CCDC88C: variants seen among roughly 807,000 people sequenced by gnomAD.
CCDC88C encodes the protein coiled-coil and HOOK domain protein 88C.
In CCDC88C, 131 loss-of-function variants were observed where a neutral mutation model predicts 198.8. The observed-to-expected ratio is 0.66, with a 90% CI of 0.57 to 0.76. CCDC88C has a LOEUF of 0.76. Ranked by LOEUF, CCDC88C falls within the 30% of genes least tolerant of loss-of-function variation. The pLI is 0.00. For synonymous variants in CCDC88C, 1,166 were observed against 1,114.7 expected (o/e 1.05, Z -0.92); for missense variants, 2,553 against 2,631.6 (o/e 0.97, Z 0.65).
chr14:91,309,506 C>T (rs187540914), intron 16 of CCDC88C, among the ~76,000 whole-genome samples: 1 of 150,870 alleles, frequency 6.6e-6, no homozygotes, highest in East Asian at 2.0e-4. Context: ...TAGTGGTCTC[C>T]AGCTAGGGCT....
intron 6 of CCDC88C, among the ~76,000 whole-genome samples, chr14:91,341,602 C>A (rs1235958919): frequency 6.6e-6 from 1 of 152,240 alleles, no homozygotes; most frequent in Non-Finnish European, 1.5e-5. Context: ...TCTCATCTGT[C>A]CAATGACACT....
At chr14:91,323,743 G>A (rs1023730742) in intron 12 of CCDC88C, among the ~76,000 whole-genome samples, 1 of 152,212 alleles carries the variant, frequency 6.6e-6, no homozygotes, top group Admixed American at 6.5e-5. Flanking sequence ...CTAGCTGCTT[G>A]TACCACCTCT....
chr14:91,409,915 A>G (rs1258836197), intron 2 of CCDC88C, among the ~76,000 whole-genome samples: 1 of 152,166 alleles, frequency 6.6e-6, no homozygotes, highest in East Asian at 1.9e-4. Context: ...AGGGACAAAA[A>G]TCCTATCTTG....
At chr14:91,275,970 C>T (rs936281214) in intron 29 of CCDC88C, among the ~76,000 whole-genome samples, 6 of 151,710 alleles carry the variant, frequency 4.0e-5, no homozygotes, top group African/African-American at 7.3e-5. Flanking sequence ...TACAGGCGCG[C>T]GCCACCACGC....
Position 91,352,746 on chromosome 14 carries a change from A to T in CCDC88C, c.340+6896T>A, listed in dbSNP as rs1289553869. Among the ~76,000 whole-genome samples the T allele has an allele frequency of 1.3e-5, 2 of 152,256 alleles. No individual in the cohort carries two copies. The highest frequency in any genetic ancestry group is 4.8e-5 in the African/African-American group (2 of 41,478). ...GGGGAAAAGAACACAAGAATGGCTC[A>T]TGAAGCCTGAGTGGCCGACCCTCAG... On this transcript the variant is annotated intron_variant, in intron 4 of 29. Transcript: ENST00000389857. This position sits in a 1 kb window ranked among gnomAD's most constrained non-coding sequence, Gnocchi z 4.2.
At chr14:91,334,086 T>C (rs1783118772) in intron 10 of CCDC88C, among the ~76,000 whole-genome samples, 2 of 152,226 alleles carry the variant, frequency 1.3e-5, no homozygotes, top group Non-Finnish European at 2.9e-5. Flanking sequence ...ACCACCTAGA[T>C]GCTACAATGA....
chr14:91,344,278 C>T (rs1893426018), intron 4 of CCDC88C, among the ~76,000 whole-genome samples: 1 of 152,120 alleles, frequency 6.6e-6, no homozygotes, highest in African/African-American at 2.4e-5. Context: ...GAGAGAACAA[C>T]TCCCACAGGA....
Position 91,273,046 on chromosome 14 carries a change from G to C in CCDC88C, c.5666C>G (p.Ala1889Gly). The change falls in exon 30 of 30, where the codon GCT becomes GGT. Residue 1889 changes from alanine (A) to glycine (G), a missense_variant. Physicochemically the swap from Ala to Gly is moderately conservative, Grantham distance 60. Coordinates refer to ENST00000389857, the MANE Select transcript of CCDC88C (RefSeq NM_001080414.4). The surrounding 1 kb of genome is among the most constrained non-coding windows in gnomAD (Gnocchi z 5.6). The stretch of plus-strand genomic sequence containing the variant: ...GGCCAGCCTCTCCTCCTTTGGGGGA[G>C]CCAGGGAGAAGCGCCTCGTGTCCAG... ...RPLDTRRFSL[A>G]PPKEERLAPL... 6.4e-7 allele frequency: 1 copy of C among 1,555,652 alleles called. No individual in the cohort carries two copies. The highest frequency in any genetic ancestry group is 8.7e-7 in the Non-Finnish European group (1 of 1,152,466).
rs1890036616 is a variant in CCDC88C at position 91,278,023 on chromosome 14, G to C, written c.4957C>G (p.Pro1653Ala). The C allele has an allele frequency of 8.1e-6, 13 of 1,601,402 alleles. No homozygotes were observed. The highest frequency in any genetic ancestry group is 1.1e-5 in the Non-Finnish European group (13 of 1,174,014). The change falls in exon 29 of 30, where the codon CCT becomes GCT. Residue 1653 changes from proline to alanine, a missense_variant. By Grantham distance (27) the Pro-to-Ala change is conservative (BLOSUM62 -1). This residue lies in a region of CCDC88C where 1,293 missense variants were observed against 1,219.6 expected (regional missense o/e 1.06). Transcript: ENST00000389857. Reference protein sequence around the residue: ...QEGAQKRGTAPPYVGVRPCSA... With the variant: ...QEGAQKRGTAAPYVGVRPCSA... The stretch of plus-strand genomic sequence containing the variant: ...CAGGGCCGCACTCCGACGTAGGGAG[G>C]GGCTGTGCCCCTCTTCTGGGCACCC...
intron 3 of CCDC88C, among the ~76,000 whole-genome samples, chr14:91,406,751 T>C (rs1387697592): frequency 2.0e-5 from 3 of 152,230 alleles, no homozygotes; most frequent in Admixed American, 6.5e-5. Context: ...GCCCAGGTCA[T>C]TGACAGCACC....
intron 4 of CCDC88C, among the ~76,000 whole-genome samples, chr14:91,346,287 C>T (rs953011238): frequency 1.3e-5 from 2 of 152,208 alleles, no homozygotes; most frequent in African/African-American, 2.4e-5. Context: ...ACCCCGCCCC[C>T]CAGCCTGAAG....
In CCDC88C at chr14:91,278,915, T is replaced by TTTTTC. The variant is rs1555414166; in HGVS notation, c.4768+322_4768+323insGAAAA. Among the ~76,000 whole-genome samples, 2 of 144,686 alleles carry TTTTTC rather than the reference T, an allele frequency of 1.4e-5. 1 individual carries two copies. The highest frequency in any genetic ancestry group is 4.5e-4 in the South Asian group (2 of 4,422). The allele number at this position is 144,686 out of a possible 152,430, so 94.9% of individuals were successfully genotyped here. A position where few individuals can be genotyped will look rare whatever the true frequency, so the allele number is the denominator to read the frequency against. ...TTTTTTTTTTTTTTTTTTTTTTTTT[T>TTTTTC]TCTGAGATAGGGTCTCACTTCTGTT... On this transcript the variant is annotated intron_variant, in intron 28 of 29. Transcript: ENST00000389857.
In CCDC88C at chr14:91,313,913, T is replaced by C. The variant is rs1192030234; in HGVS notation, c.1903A>G (p.Arg635Gly). ...TCCTCCTGGAGTCGCTGTAGCTCCC[T>C]CTCCAGCTTCTCTGCCCGCTCCCCC... ...EKGERAEKLE[R>G]ELQRLQEENG... The change falls in exon 15 of 30, where the codon AGG (arginine) becomes GGG (glycine). Residue 635 changes from arginine to glycine, a missense_variant. Transcript: ENST00000389857. The surrounding 1 kb of genome is among the most constrained non-coding windows in gnomAD (Gnocchi z 5.2). 6.2e-7 allele frequency: 1 copy of C among 1,611,638 alleles called. No individual in the cohort carries two copies. Among genetic ancestry groups the C allele is most frequent in the Non-Finnish European group, 8.5e-7 (1 of 1,179,618 alleles).
rs1308729372 is a variant in CCDC88C at position 91,284,363 on chromosome 14, G to A, written c.4442-846C>T. On this transcript the variant is annotated intron_variant, in intron 25 of 29. Transcript: ENST00000389857. The surrounding 1 kb of genome is among the most constrained non-coding windows in gnomAD (Gnocchi z 4.1). ...GCCACTCAAAGTCTGGGCTCACTGT[G>A]CAGTTTTAAGTGCCCAGAGCTGATG... Among the ~76,000 whole-genome samples the A allele has an allele frequency of 6.6e-6, 1 of 152,212 alleles. No homozygotes were observed. The highest frequency in any genetic ancestry group is 6.5e-5 in the Admixed American group (1 of 15,288).
chr14:91,272,774 T>C lies in CCDC88C; in HGVS notation c.5938A>G (p.Lys1980Glu). 1.9e-6 allele frequency: 3 copies of C among 1,606,786 alleles called. No homozygotes were observed. Among genetic ancestry groups the C allele is most frequent in the Non-Finnish European group, 2.5e-6 (3 of 1,177,930 alleles). The part of the protein sequence containing the change: ...GQGCSEGLPA[K>E]SPGRSPDLAP... ...AAATCGGGAGACCGACCTGGGCTCT[T>C]GGCCGGAAGCCCCTCACTGCAGCCC... Residue 1980 changes from lysine (K) to glutamate (E), a missense_variant, in exon 30 of 30, where the codon AAG (lysine) becomes GAG (glutamate). Around this residue, in one of 2 missense-constraint regions of CCDC88C, gnomAD observed 1,293 missense variants for 1,219.6 expected, o/e 1.06. Coordinates refer to ENST00000389857, the MANE Select transcript of CCDC88C (RefSeq NM_001080414.4).
intron 3 of CCDC88C, among the ~76,000 whole-genome samples, chr14:91,384,758 G>C (rs954585590): frequency 6.6e-6 from 1 of 152,096 alleles, no homozygotes; most frequent in Non-Finnish European, 1.5e-5. Context: ...AATGTGCTGC[G>C]AACAAGCCCA....
chr14:91,379,927 T>C (rs183763756), intron 3 of CCDC88C: 1 of 702,836 alleles, frequency 1.4e-6, no homozygotes, highest in African/African-American at 1.7e-5. Flanking sequence ...GAAAAGGCGT[T>C]TGGGGGCTGA....
In CCDC88C at chr14:91,297,319, C is replaced by G; in HGVS notation, c.3952G>C (p.Asp1318His). The G allele has an allele frequency of 1.2e-6, 2 of 1,613,294 alleles. No individual in the cohort carries two copies. The highest frequency in any genetic ancestry group is 1.7e-6 in the Non-Finnish European group (2 of 1,179,656). The change falls in exon 22 of 30, where the codon GAC becomes CAC. Residue 1318 changes from aspartate (D) to histidine (H), a missense_variant. By Grantham distance (81) the Asp-to-His change is moderately conservative. Transcript: ENST00000389857. Reference protein sequence around the residue: ...QTMDISLTKLDNHCELLSRLK... With the variant: ...QTMDISLTKLHNHCELLSRLK... ...GCTGGCCTCACCTCACAGTGGTTGTCCAGCTTGGTCAGCGAGATGTCCATG... is the reference window on the plus strand; with the variant it reads ...GCTGGCCTCACCTCACAGTGGTTGTGCAGCTTGGTCAGCGAGATGTCCATG...
intron 3 of CCDC88C, among the ~76,000 whole-genome samples, chr14:91,380,185 T>C (rs2139949682): frequency 6.6e-6 from 1 of 152,328 alleles, no homozygotes; most frequent in South Asian, 2.1e-4. Context: ...CATTACTATT[T>C]ATGCAAGAGT....
Sources: allele counts gnomAD v4.1 joint callset (sites outside exome capture counted in the v4.1 genomes callset), GRCh38; gene constraint gnomAD v4.1.1; regional missense constraint gnomAD v4.1.1; non-coding constraint Gnocchi (gnomAD v3.1); transcripts MANE v1.5; gene names NCBI Gene and HGNC (gene_info 2026-07-23, HGNC 2026-07-21).